The following DLG2 variants were observed in gnomAD, a reference collection of about 807,000 sequenced individuals.
DLG2 encodes the protein disks large homolog 2.
Under a neutral mutation model 132.5 loss-of-function variants are expected in DLG2, and 45 were observed. The observed-to-expected ratio is 0.34, with a 90% CI of 0.27 to 0.44. DLG2 has a LOEUF of 0.44. DLG2 is among the 20% of genes least tolerant of loss of function. DLG2 has a pLI of 1.00. For missense variants in DLG2, 1,045 were observed against 1,196.9 expected, an observed-to-expected ratio of 0.87 and a Z score of 1.87; for synonymous variants, 424 against 419.6, an observed-to-expected ratio of 1.01 and a Z score of -0.13.
At chr11:84,709,675 T>C (rs2060152795) in intron 6 of DLG2, among the ~76,000 whole-genome samples, 1 of 151,894 alleles carries the variant, frequency 6.6e-6, no homozygotes, top group Non-Finnish European at 1.5e-5. Context: ...GTATCTTTGC[T>C]TGGTACAGAG....
intron 8 of DLG2, among the ~76,000 whole-genome samples, chr11:84,166,492 C>T: frequency 1.1e-5 from 1 of 92,416 alleles, no homozygotes; most frequent in African/African-American, 4.5e-5. Context: ...CAGAGTAAGA[C>T]TCTGCTTCAA....
At chr11:84,610,374 C>T (rs955084312) in intron 6 of DLG2, among the ~76,000 whole-genome samples, 8 of 151,950 alleles carry the variant, frequency 5.3e-5, no homozygotes, top group African/African-American at 1.9e-4. Context: ...GCCCTTAATA[C>T]TTCCTATGAG....
chr11:83,838,806 G>T (rs2056875612), intron 16 of DLG2, among the ~76,000 whole-genome samples: 1 of 150,524 alleles, frequency 6.6e-6, no homozygotes, highest in South Asian at 2.1e-4. Context: ...AGCTGTCATT[G>T]TACCACATTT....
At chr11:84,013,526 G>GA (rs1470821592) in intron 11 of DLG2, among the ~76,000 whole-genome samples, 1 of 152,080 alleles carries the variant, frequency 6.6e-6, no homozygotes, top group Non-Finnish European at 1.5e-5. Context: ...TCAGTTAATA[G>GA]AACTGATTTG....
intron 7 of DLG2, among the ~76,000 whole-genome samples, chr11:84,472,566 T>C (rs1205848293): frequency 6.6e-6 from 1 of 151,958 alleles, no homozygotes. Context: ...AAATTTGTAG[T>C]TCAATAAAAA....
intron 18 of DLG2, among the ~76,000 whole-genome samples, chr11:83,763,166 A>C (rs2093985941): frequency 2.0e-5 from 3 of 152,188 alleles, no homozygotes; most frequent in Non-Finnish European, 2.9e-5. Flanking sequence ...AAGAACTGAA[A>C]TTAAGAATTT....
At chr11:84,543,616 G>A (rs2099383667) in intron 6 of DLG2, among the ~76,000 whole-genome samples, 1 of 152,134 alleles carries the variant, frequency 6.6e-6, no homozygotes, top group South Asian at 2.1e-4. Context: ...CTTGATAAAT[G>A]TTTGTTGAAT....
At chr11:83,869,127 A>G (rs1595698307) in intron 16 of DLG2, among the ~76,000 whole-genome samples, 1 of 152,308 alleles carries the variant, frequency 6.6e-6, no homozygotes, top group South Asian at 2.1e-4. Flanking sequence ...CCAAAATCAC[A>G]CAGTAAGAAA....
At chr11:84,611,458 C>T (rs2099595452) in intron 6 of DLG2, among the ~76,000 whole-genome samples, 1 of 151,930 alleles carries the variant, frequency 6.6e-6, no homozygotes, top group South Asian at 2.1e-4. Context: ...TCATGAGGTC[C>T]CTGGAAGCCT....
intron 18 of DLG2, among the ~76,000 whole-genome samples, chr11:83,692,705 T>G (rs980684839): frequency 1.3e-5 from 2 of 152,194 alleles, no homozygotes; most frequent in Non-Finnish European, 2.9e-5. Flanking sequence ...GCTTTATAAA[T>G]GTTAATTTTT....
chr11:84,152,336 G>GT (rs1414955693), intron 9 of DLG2, among the ~76,000 whole-genome samples: 3 of 144,518 alleles, frequency 2.1e-5, no homozygotes, highest in African/African-American at 5.3e-5. Context: ...AAATCTGTTT[G>GT]TTTGTTTGTT....
intron 6 of DLG2, among the ~76,000 whole-genome samples, chr11:84,569,005 C>T (rs1182923852): frequency 6.6e-6 from 1 of 152,156 alleles, no homozygotes; most frequent in East Asian, 1.9e-4. Flanking sequence ...AGCAAAATTG[C>T]CCAGCCAGAG....
At chr11:84,485,982 C>T (rs1170337554) in intron 7 of DLG2, among the ~76,000 whole-genome samples, 3 of 152,048 alleles carry the variant, frequency 2.0e-5, no homozygotes, top group Admixed American at 6.6e-5. Context: ...TCCTTGATCC[C>T]GGTGTCAGGA....
At chr11:84,245,621 G>A (rs1015818421) in intron 8 of DLG2, among the ~76,000 whole-genome samples, 4 of 152,116 alleles carry the variant, frequency 2.6e-5, no homozygotes, top group African/African-American at 9.7e-5. Flanking sequence ...GGAAAGTAAA[G>A]GCATTGTACT....
chr11:84,076,365 T>A (rs2096829956), intron 10 of DLG2, among the ~76,000 whole-genome samples: 1 of 152,206 alleles, frequency 6.6e-6, no homozygotes, highest in South Asian at 2.1e-4. Context: ...GCTCTGGTAA[T>A]AACTTCTGTC....
At chr11:83,561,250 A>G (rs1364940651) in intron 19 of DLG2, among the ~76,000 whole-genome samples, 1 of 152,238 alleles carries the variant, frequency 6.6e-6, no homozygotes, top group Non-Finnish European at 1.5e-5. Context: ...GGGTGGGGAC[A>G]TAGAGCCAAA....
chr11:84,491,210 T>C (rs1029926404), intron 7 of DLG2, among the ~76,000 whole-genome samples: 1 of 152,104 alleles, frequency 6.6e-6, no homozygotes, highest in African/African-American at 2.4e-5. Flanking sequence ...TTCCCACGTA[T>C]TGTGGGACGG....
rs544988075 is a variant in DLG2 at position 83,893,484 on chromosome 11, T to C, written c.1497-18996A>G. Among the ~76,000 whole-genome samples, 111 of 152,328 alleles carry C rather than the reference T, an allele frequency of 7.3e-4. 1 individual carries two copies. The highest frequency in any genetic ancestry group is 1.2e-3 in the Non-Finnish European group (84 of 68,032). Reference sequence around the variant, plus strand: ...TTCTCTCTAAGGGCATCTGCATTCATTGATTGCTTTACCCCAGGTTTTCTC... The same window carrying C: ...TTCTCTCTAAGGGCATCTGCATTCACTGATTGCTTTACCCCAGGTTTTCTC... On this transcript the variant is annotated intron_variant, in intron 15 of 27. Transcript: ENST00000376104.
chr11:84,939,257 T>G lies in DLG2; in HGVS notation c.357+172404A>C, dbSNP rs139581015. ...AACAACAGATCTTAAAAATAAATATTTATTTTTAATTTTTATGGGTACTTA... is the reference window on the plus strand; with the variant it reads ...AACAACAGATCTTAAAAATAAATATGTATTTTTAATTTTTATGGGTACTTA... On this transcript the variant is annotated intron_variant, in intron 6 of 27. Transcript: ENST00000376104. Among the ~76,000 whole-genome samples, 1,429 of 152,192 alleles carry G rather than the reference T, an allele frequency of 9.4e-3. 25 individuals carry two copies. Among genetic ancestry groups the G allele is most frequent in the African/African-American group, 0.033 (1,361 of 41,534 alleles).
Sources: gnomAD v4.1 joint callset for allele counts (sites outside exome capture counted in the v4.1 genomes callset) on GRCh38, gnomAD v4.1.1 for gene constraint, MANE v1.5 for transcripts, NCBI Gene and HGNC (gene_info 2026-07-23, HGNC 2026-07-21) for gene names.